RFFL: variants seen among roughly 807,000 people sequenced by gnomAD.
RFFL encodes E3 ubiquitin-protein ligase rififylin.
RFFL carries 16 observed loss-of-function variants against 40.4 expected under a neutral mutation model. The ratio of observed to expected loss-of-function variants is 0.40; its 90% CI spans 0.27 to 0.60. RFFL has a LOEUF of 0.60. Among genes scored for constraint, RFFL ranks in the 20% least tolerant of loss-of-function variants. RFFL has a pLI of 0.47. For missense variants in RFFL, 367 were observed against 451.7 expected (o/e 0.81, Z 1.70); for synonymous variants, 154 against 167.9 (o/e 0.92, Z 0.64).
At position 35,026,537 on chromosome 17, in the gene RFFL, C is replaced by A. The variant is rs2091042161; in HGVS notation, c.17G>T (p.Cys6Phe). 1 of 1,612,406 alleles carries A rather than the reference C, an allele frequency of 6.2e-7. No individual in the cohort carries two copies. The highest frequency in any genetic ancestry group is 8.5e-7 in the Non-Finnish European group (1 of 1,179,484). Reference sequence around the variant, plus strand: ...CTGTCCATCCAGGCAGAACCAGTTGCAGCAGGTTGCCCACATGATAAAATC... The same window carrying A: ...CTGTCCATCCAGGCAGAACCAGTTGAAGCAGGTTGCCCACATGATAAAATC... MWATC[C>F]NWFCLDGQPE... Residue 6 changes from cysteine (C) to phenylalanine (F), a missense_variant, in exon 2 of 7, where the codon TGC (cysteine) becomes TTC (phenylalanine). Cys to Phe is a radical substitution (Grantham distance 205). Coordinates refer to ENST00000394597, the MANE Select transcript of RFFL (RefSeq NM_001017368.2).
upstream of RFFL, among the ~76,000 whole-genome samples, chr17:35,067,968 A>G (rs2091329237): frequency 6.6e-6 from 1 of 152,166 alleles, no homozygotes; most frequent in African/African-American, 2.4e-5. Context: ...TGTTGGTTGG[A>G]CCATTATTTT....
chr17:35,057,069 C>G (rs1419763315), intron 1 of RFFL, among the ~76,000 whole-genome samples: 2 of 152,068 alleles, frequency 1.3e-5, no homozygotes, highest in African/African-American at 4.8e-5. Context: ...GCATAAGCCA[C>G]CATGCCTGGC....
chr17:35,062,736 T>C (rs1302752521), intron 1 of RFFL, among the ~76,000 whole-genome samples: 1 of 152,100 alleles, frequency 6.6e-6, no homozygotes, highest in African/African-American at 2.4e-5. Flanking sequence ...TTTGTTGGAA[T>C]TATAAGGAGC....
chr17:35,034,006 G>T (rs1462738754), intron 1 of RFFL, among the ~76,000 whole-genome samples: 1 of 151,760 alleles, frequency 6.6e-6, no homozygotes, highest in Non-Finnish European at 1.5e-5. Context: ...AGCCAGACGT[G>T]GTGGCGGGCG....
intron 1 of RFFL, among the ~76,000 whole-genome samples, chr17:35,083,048 T>C (rs1325154375): frequency 1.3e-5 from 2 of 152,230 alleles, no homozygotes; most frequent in Non-Finnish European, 2.9e-5. Context: ...TATTAACTAT[T>C]TGTTACGCAC....
intron 1 of RFFL, among the ~76,000 whole-genome samples, chr17:35,084,289 G>C (rs1173566954): frequency 6.6e-6 from 1 of 152,070 alleles, no homozygotes; most frequent in South Asian, 2.1e-4. Context: ...AAAGATGCAA[G>C]GGAGATTTTT....
rs1331964921 is a variant in RFFL, at chr17:35,007,454, CCTCTACATGCTG to C, written c.*4502_*4513del. The C allele has an allele frequency of 6.6e-6, 1 of 152,234 alleles. No individual in the cohort carries two copies. The highest frequency in any genetic ancestry group is 1.9e-4 in the East Asian group (1 of 5,188). 9.4% of individuals were successfully genotyped at this position (152,234 alleles called of 1,614,324 possible). ...ATGCTGGAGGCCTCCCTCTTCTGAACCTCTACATGCTGCTGGCTGGCATCAAGCAGAGGTCAT... is the reference window on the plus strand; with the variant it reads ...ATGCTGGAGGCCTCCCTCTTCTGAACCTGGCTGGCATCAAGCAGAGGTCAT... On this transcript the variant is annotated 3_prime_UTR_variant, in exon 7 of 7. Coordinates refer to ENST00000394597, the MANE Select transcript of RFFL (RefSeq NM_001017368.2).
intron 1 of RFFL, among the ~76,000 whole-genome samples, chr17:35,035,631 A>G (rs1207175375): frequency 1.3e-5 from 2 of 150,634 alleles, no homozygotes; most frequent in African/African-American, 2.4e-5. Context: ...TTATATACCT[A>G]TATCTGTATC....
At chr17:35,022,938 C>T (rs866359320) in intron 2 of RFFL, among the ~76,000 whole-genome samples, 5 of 152,182 alleles carry the variant, frequency 3.3e-5, no homozygotes, top group South Asian at 2.1e-4. Flanking sequence ...GTCTGGCAGT[C>T]GCTGACAACA....
At chr17:35,083,483 T>TA (rs1200910639) in intron 1 of RFFL, among the ~76,000 whole-genome samples, 1 of 151,814 alleles carries the variant, frequency 6.6e-6, no homozygotes, top group Non-Finnish European at 1.5e-5. Flanking sequence ...CTCTAAAAAT[T>TA]AAAAAAAGAA....
At chr17:35,016,021 A>G (rs949714786) in intron 5 of RFFL, among the ~76,000 whole-genome samples, 20 of 152,220 alleles carry the variant, frequency 1.3e-4, no homozygotes, top group African/African-American at 4.6e-4. Flanking sequence ...ATTCTAAGGT[A>G]AGAAAACTTA....
rs745934733 is a variant in RFFL, at chr17:35,009,314, T to C, written c.*2654A>G. ...CTAGTTCCTGTACAGCTTATTCTTATTAGTTTGGATCCAACTATTCCAATG... is the reference window on the plus strand; with the variant it reads ...CTAGTTCCTGTACAGCTTATTCTTACTAGTTTGGATCCAACTATTCCAATG... On this transcript the variant is annotated 3_prime_UTR_variant, in exon 7 of 7. Coordinates refer to ENST00000394597, the MANE Select transcript of RFFL (RefSeq NM_001017368.2). 2.6e-5 allele frequency: 4 copies of C among 152,360 alleles called. No individual in the cohort carries two copies. The highest frequency in any genetic ancestry group is 1.9e-4 in the East Asian group (1 of 5,202). The allele number at this position is 152,360 out of a possible 1,614,324, so 9.4% of individuals were successfully genotyped here.
chr17:35,023,011 G>A (rs2091019254), intron 2 of RFFL, among the ~76,000 whole-genome samples: 1 of 152,192 alleles, frequency 6.6e-6, no homozygotes, highest in South Asian at 2.1e-4. Context: ...GGCTGAGTGA[G>A]CACAGTGACA....
chr17:35,018,191 T>A (rs1418541806), intron 3 of RFFL, among the ~76,000 whole-genome samples: 1 of 152,220 alleles, frequency 6.6e-6, no homozygotes, highest in African/African-American at 2.4e-5. Context: ...TTCTGCCTAG[T>A]AACTACTCTC....
chr17:35,060,776 C>T (rs1472482598), intron 1 of RFFL, among the ~76,000 whole-genome samples: 2 of 152,112 alleles, frequency 1.3e-5, no homozygotes, highest in South Asian at 2.1e-4. Context: ...CAAAGAATAA[C>T]GGTTTGAGCC....
intron 2 of RFFL, among the ~76,000 whole-genome samples, chr17:35,024,522 G>C (rs907121150): frequency 6.6e-6 from 1 of 152,084 alleles, no homozygotes; most frequent in Non-Finnish European, 1.5e-5. Flanking sequence ...ATAGAGATGG[G>C]GTATTTGGCT....
chr17:35,048,032 G>A (rs139191707), intron 1 of RFFL, among the ~76,000 whole-genome samples: 18 of 152,084 alleles, frequency 1.2e-4, no homozygotes, highest in East Asian at 1.9e-4. Flanking sequence ...GATTATAGGC[G>A]TGAACCACTG....
At position 35,012,101 on chromosome 17, in the gene RFFL, A is replaced by G. The variant is rs1427744849; in HGVS notation, c.959T>C (p.Met320Thr). The G allele has an allele frequency of 6.2e-7, 1 of 1,614,224 alleles. No individual in the cohort carries two copies. Among genetic ancestry groups the G allele is most frequent in the Non-Finnish European group, 8.5e-7 (1 of 1,180,038 alleles). Residue 320 changes from methionine to threonine, a missense_variant, in exon 7 of 7, where the codon ATG becomes ACG. Met to Thr is a moderately conservative substitution (Grantham distance 81, BLOSUM62 -1). Transcript: ENST00000394597. ...AAGAACACAGTCAATGGGTGAGTCCATGCAGATCTTACACAGGTTCTCCTC... is the reference window on the plus strand; with the variant it reads ...AAGAACACAGTCAATGGGTGAGTCCGTGCAGATCTTACACAGGTTCTCCTC... ...GLEENLCKIC[M>T]DSPIDCVLLE... is the part of the protein sequence containing the mutation.
At chr17:35,087,491 G>A (rs985868629) in intron 1 of RFFL, among the ~76,000 whole-genome samples, 16 of 152,154 alleles carry the variant, frequency 1.1e-4, no homozygotes, top group Non-Finnish European at 2.1e-4. Flanking sequence ...TTATTTTGGA[G>A]GCTGGTTAAA....
Sources: allele counts gnomAD v4.1 joint callset (sites outside exome capture counted in the v4.1 genomes callset), GRCh38; gene constraint gnomAD v4.1.1; transcripts MANE v1.5; gene names NCBI Gene and HGNC (gene_info 2026-07-23, HGNC 2026-07-21).